The following HECW2 variants were observed in gnomAD, a reference collection of about 807,000 sequenced individuals.
HECW2 encodes E3 ubiquitin-protein ligase HECW2.
In HECW2, 61 loss-of-function variants were observed where a neutral mutation model predicts 175.2. That is an observed-to-expected ratio of 0.35 (90% CI 0.28 to 0.43). HECW2 has a LOEUF of 0.43. HECW2 is among the 20% of genes least tolerant of loss of function. The probability of loss-of-function intolerance (pLI) is 1.00; values close to 1 mark genes in which losing one functional copy is unlikely to be tolerated. For synonymous variants in HECW2, 671 were observed against 731.0 expected, an observed-to-expected ratio of 0.92 and a Z score of 1.32; for missense variants, 1,524 against 2,000.5, an observed-to-expected ratio of 0.76 and a Z score of 4.54.
intron 1 of HECW2, among the ~76,000 whole-genome samples, chr2:196,509,659 C>A (rs1052077492): frequency 1.3e-5 from 2 of 152,198 alleles, no homozygotes; most frequent in African/African-American, 2.4e-5. Flanking sequence ...GTATCACAGT[C>A]CACTCCTAGT....
chr2:196,211,319 G>T (rs1485899401), intron 28 of HECW2, among the ~76,000 whole-genome samples: 1 of 152,204 alleles, frequency 6.6e-6, no homozygotes, highest in Non-Finnish European at 1.5e-5. Flanking sequence ...TTGCCACAAA[G>T]TGAATGTACT....
intron 4 of HECW2, chr2:196,331,142 T>C: frequency 1.0e-6 from 1 of 985,420 alleles, no homozygotes; most frequent in Non-Finnish European, 1.2e-6. Flanking sequence ...GCATCCTGAT[T>C]GCTTCACATG....
chr2:196,199,983 T>C lies in HECW2; in HGVS notation c.*1294A>G, dbSNP rs1575208168. Reference sequence around the variant, plus strand: ...TTACTACTGATCTCTTCAGTGTTGCTGATGGCTCCTTAACTGAGCTTAGTG... The same window carrying C: ...TTACTACTGATCTCTTCAGTGTTGCCGATGGCTCCTTAACTGAGCTTAGTG... On this transcript the variant is annotated 3_prime_UTR_variant, in exon 29 of 29. Transcript: ENST00000644978. 1 of 152,756 alleles carries C rather than the reference T, an allele frequency of 6.5e-6. No homozygotes were observed. Among genetic ancestry groups the C allele is most frequent in the African/African-American group, 2.4e-5 (1 of 41,586 alleles). 9.5% of individuals were successfully genotyped at this position (152,756 alleles called of 1,614,324 possible).
chr2:196,467,535 T>C (rs981250695), intron 1 of HECW2, among the ~76,000 whole-genome samples: 1 of 152,240 alleles, frequency 6.6e-6, no homozygotes, highest in Non-Finnish European at 1.5e-5. Flanking sequence ...TCATTCATTC[T>C]AATGTTGGTT....
chr2:196,208,808 G>A (rs1293340501), intron 28 of HECW2, among the ~76,000 whole-genome samples: 1 of 152,310 alleles, frequency 6.6e-6, no homozygotes, highest in East Asian at 1.9e-4. Flanking sequence ...GAGGTTGCAG[G>A]AGGAGGCAGA....
At chr2:196,251,569 C>T (rs1169792333) in intron 19 of HECW2, among the ~76,000 whole-genome samples, 1 of 152,144 alleles carries the variant, frequency 6.6e-6, no homozygotes, top group Non-Finnish European at 1.5e-5. Flanking sequence ...TGAGTCTAAC[C>T]ATTTCCCATT....
chr2:196,258,291 G>A (rs969452875), intron 17 of HECW2, among the ~76,000 whole-genome samples: 5 of 152,178 alleles, frequency 3.3e-5, no homozygotes, highest in African/African-American at 1.2e-4. Flanking sequence ...TCCAAAAAGG[G>A]ATTGTGTTGG....
intron 1 of HECW2, among the ~76,000 whole-genome samples, chr2:196,578,149 G>A (rs890803636): frequency 6.6e-6 from 1 of 151,922 alleles, no homozygotes; most frequent in African/African-American, 2.4e-5. Context: ...CTTCACCAAA[G>A]AATATCAATA....
intron 1 of HECW2, among the ~76,000 whole-genome samples, chr2:196,554,023 T>C (rs1471005044): frequency 6.6e-6 from 1 of 152,190 alleles, no homozygotes; most frequent in African/African-American, 2.4e-5. Flanking sequence ...ATATCTAGGA[T>C]AGGGCTGGAG....
intron 2 of HECW2, among the ~76,000 whole-genome samples, chr2:196,388,381 G>A (rs931202264): frequency 9.2e-5 from 14 of 152,022 alleles, no homozygotes; most frequent in Admixed American, 2.6e-4. Context: ...TAGGTCTATC[G>A]ATTTAATAAT....
chr2:196,250,790 G>A (rs896508640), intron 19 of HECW2, among the ~76,000 whole-genome samples: 3 of 152,020 alleles, frequency 2.0e-5, no homozygotes, highest in Admixed American at 2.0e-4. Flanking sequence ...GCACATGTAT[G>A]CTCAACTTCC....
chr2:196,287,391 T>TAAA (rs1259537400), intron 14 of HECW2, among the ~76,000 whole-genome samples: 1 of 152,198 alleles, frequency 6.6e-6, no homozygotes, highest in Non-Finnish European at 1.5e-5. Flanking sequence ...ATTTATGATA[T>TAAA]GTCACTTATA....
At chr2:196,421,658 C>T (rs552603284) in intron 2 of HECW2, among the ~76,000 whole-genome samples, 36 of 152,200 alleles carry the variant, frequency 2.4e-4, no homozygotes, top group African/African-American at 8.4e-4. Context: ...AATTCAATCA[C>T]AAAATATTTA....
chr2:196,240,696 T>C, intron 20 of HECW2, 134 bp from the exon 21 acceptor site: 2 of 874,640 alleles, frequency 2.3e-6, no homozygotes, highest in Non-Finnish European at 3.2e-6. Flanking sequence ...ATCATTGCTG[T>C]CTGCAATAAA....
chr2:196,343,116 T>C (rs1392198178), intron 3 of HECW2, among the ~76,000 whole-genome samples: 1 of 152,042 alleles, frequency 6.6e-6, no homozygotes, highest in Non-Finnish European at 1.5e-5. Context: ...GCACATATTA[T>C]ATAGTTGTCC....
intron 1 of HECW2, among the ~76,000 whole-genome samples, chr2:196,470,722 A>C (rs1697161949): frequency 6.6e-6 from 1 of 152,190 alleles, no homozygotes; most frequent in African/African-American, 2.4e-5. Context: ...ATGACCAAAA[A>C]ATAGAGTGTG....
At chr2:196,507,921 A>AT (rs529611081) in intron 1 of HECW2, among the ~76,000 whole-genome samples, 90 of 152,274 alleles carry the variant, frequency 5.9e-4, no homozygotes, top group African/African-American at 2.0e-3. Flanking sequence ...TGTGCAGCTA[A>AT]TTTTTTCTCC....
Position 196,201,253 on chromosome 2 carries a change from A to C in HECW2, c.*24T>G. 1 of 1,459,464 alleles carries C rather than the reference A, an allele frequency of 6.9e-7. No individual in the cohort carries two copies. Among genetic ancestry groups the C allele is most frequent in the Non-Finnish European group, 9.6e-7 (1 of 1,039,164 alleles). The allele number at this position is 1,459,464 out of a possible 1,614,324, so 90.4% of individuals were successfully genotyped here. A position where few individuals can be genotyped will look rare whatever the true frequency, so the allele number is the denominator to read the frequency against. On this transcript the variant is annotated 3_prime_UTR_variant, in exon 29 of 29. Coordinates refer to ENST00000644978, the MANE Select transcript of HECW2 (RefSeq NM_001348768.2). ...GCAGCTTCTGAACCTGCCTGTCCACAGAGATGGGCATTCAGCTTCCAGGTC... is the reference window on the plus strand; with the variant it reads ...GCAGCTTCTGAACCTGCCTGTCCACCGAGATGGGCATTCAGCTTCCAGGTC...
At chr2:196,416,572 C>T (rs1695261677) in intron 2 of HECW2, among the ~76,000 whole-genome samples, 1 of 152,092 alleles carries the variant, frequency 6.6e-6, no homozygotes, top group South Asian at 2.1e-4. Context: ...CCAGTAAATG[C>T]CCATTTAACA....
Sources: gnomAD v4.1 joint callset for allele counts (sites outside exome capture counted in the v4.1 genomes callset) on GRCh38, gnomAD v4.1.1 for gene constraint, MANE v1.5 for transcripts, NCBI Gene and HGNC (gene_info 2026-07-23, HGNC 2026-07-21) for gene names.